The following BICC1 variants were observed in gnomAD, a reference collection of about 807,000 sequenced individuals.
BICC1 encodes BicC family RNA binding protein 1.
Under a neutral mutation model 111.0 loss-of-function variants are expected in BICC1, and 43 were observed. That is an observed-to-expected ratio of 0.39 (90% CI 0.30 to 0.50). BICC1 has a LOEUF of 0.50. Ranked by LOEUF, BICC1 falls within the 20% of genes least tolerant of loss-of-function variation. The pLI is 0.88. For synonymous variants in BICC1, 467 were observed against 434.4 expected, an observed-to-expected ratio of 1.07 and a Z score of -0.93; for missense variants, 1,091 against 1,203.2, an observed-to-expected ratio of 0.91 and a Z score of 1.38.
intron 3 of BICC1, among the ~76,000 whole-genome samples, chr10:58,771,313 A>G (rs1337397026): frequency 6.6e-6 from 1 of 152,232 alleles, no homozygotes; most frequent in Non-Finnish European, 1.5e-5. Context: ...GGAAATAGAT[A>G]TCAGTCACTC....
chr10:58,539,829 G>A (rs1271387607), intron 1 of BICC1, among the ~76,000 whole-genome samples: 1 of 151,876 alleles, frequency 6.6e-6, no homozygotes, highest in African/African-American at 2.4e-5. Flanking sequence ...CAGCAGAATA[G>A]ATAGTCTTTT....
chr10:58,700,984 C>T (rs908680481), intron 2 of BICC1, among the ~76,000 whole-genome samples: 5 of 152,190 alleles, frequency 3.3e-5, no homozygotes, highest in African/African-American at 9.7e-5. Flanking sequence ...CAGTCTGAAA[C>T]ATCTGCTGTA....
At chr10:58,545,297 A>C (rs1034961667) in intron 1 of BICC1, among the ~76,000 whole-genome samples, 7 of 152,168 alleles carry the variant, frequency 4.6e-5, no homozygotes, top group Admixed American at 2.6e-4. Flanking sequence ...AAAATAAAGA[A>C]AAAAGGAAAA....
intron 3 of BICC1, among the ~76,000 whole-genome samples, chr10:58,761,679 A>C (rs1842320361): frequency 6.6e-6 from 1 of 152,168 alleles, no homozygotes; most frequent in East Asian, 1.9e-4. Flanking sequence ...AAGTGTGAGG[A>C]AAAAATAAAA....
intron 1 of BICC1, among the ~76,000 whole-genome samples, chr10:58,538,666 A>T (rs1377504927): frequency 6.6e-6 from 1 of 151,968 alleles, no homozygotes; most frequent in Non-Finnish European, 1.5e-5. Context: ...TAAATAGACA[A>T]CCTACAGAAT....
chr10:58,633,376 C>T (rs1270363129), intron 2 of BICC1, among the ~76,000 whole-genome samples: 1 of 152,182 alleles, frequency 6.6e-6, no homozygotes, highest in Non-Finnish European at 1.5e-5. Context: ...AAATGATAGC[C>T]AGGGTGACCA....
chr10:58,797,945 G>A (rs758646286), intron 10 of BICC1, among the ~76,000 whole-genome samples: 9 of 152,076 alleles, frequency 5.9e-5, no homozygotes, highest in South Asian at 4.1e-4. Context: ...TATCTGCAGC[G>A]GGGACAAATA....
At chr10:58,711,301 T>C (rs923573710) in intron 3 of BICC1, among the ~76,000 whole-genome samples, 2 of 152,198 alleles carry the variant, frequency 1.3e-5, no homozygotes, top group African/African-American at 4.8e-5. Context: ...ATGGTCTAAA[T>C]AGGACCACTC....
At chr10:58,608,840 T>C (rs1357605820) in intron 1 of BICC1, among the ~76,000 whole-genome samples, 1 of 152,224 alleles carries the variant, frequency 6.6e-6, no homozygotes, top group African/African-American at 2.4e-5. Context: ...GCTAAATAAA[T>C]TTGTATAAAT....
chr10:58,656,812 A>G (rs1838669512), intron 2 of BICC1, among the ~76,000 whole-genome samples: 1 of 152,196 alleles, frequency 6.6e-6, no homozygotes, highest in Non-Finnish European at 1.5e-5. Flanking sequence ...GCCAGCTGAA[A>G]GAATTTAAAT....
chr10:58,789,828 AG>A lies in BICC1; in HGVS notation c.944del (p.Gly315ValfsTer42). 1 of 1,614,190 alleles carries A rather than the reference AG, an allele frequency of 6.2e-7. No homozygotes were observed. Among genetic ancestry groups the A allele is most frequent in the South Asian group, 1.1e-5 (1 of 91,082 alleles). Reference protein sequence around the residue: ...SNIKHIMQRTGAQIHFPDPSN... With the variant: ...SNIKHIMQRTXAQIHFPDPSN... ...ACATCAAACATATCATGCAGAGAAC[AG>A]GTGCTCAGATCCACTTTCCTGATCC... On this transcript the variant is annotated frameshift_variant, in exon 8 of 21. Transcript: ENST00000373886. LOFTEE classifies it high-confidence loss of function.
intron 3 of BICC1, among the ~76,000 whole-genome samples, chr10:58,782,055 A>T (rs929919143): frequency 5.3e-5 from 8 of 152,062 alleles, no homozygotes; most frequent in African/African-American, 1.9e-4. Flanking sequence ...GCCCACTGAT[A>T]ATTTATATTT....
chr10:58,725,888 T>A (rs1841088617), intron 3 of BICC1, among the ~76,000 whole-genome samples: 1 of 152,260 alleles, frequency 6.6e-6, no homozygotes, highest in African/African-American at 2.4e-5. Flanking sequence ...CTTATTCTTT[T>A]GGTTAATGTT....
Position 58,651,371 on chromosome 10 carries a change from G to A in BICC1, c.237+30470G>A, listed in dbSNP as rs117650818. Among the ~76,000 whole-genome samples the A allele has an allele frequency of 2.8e-4, 42 of 152,298 alleles. No homozygotes were observed. In the East Asian group the frequency reaches 7.5e-3, roughly 27 times the overall value. On this transcript the variant is annotated intron_variant, in intron 2 of 20. Coordinates refer to ENST00000373886, the MANE Select transcript of BICC1 (RefSeq NM_001080512.3). Reference sequence around the variant, plus strand: ...CTGGACTCTATGAAAAACCGCCGGGGAAACTGCCTGCAGATCTTCATACCA... The same window carrying A: ...CTGGACTCTATGAAAAACCGCCGGGAAAACTGCCTGCAGATCTTCATACCA...
At chr10:58,625,679 T>A (rs1190218949) in intron 2 of BICC1, among the ~76,000 whole-genome samples, 1 of 152,198 alleles carries the variant, frequency 6.6e-6, no homozygotes, top group African/African-American at 2.4e-5. Context: ...AACTCATTGT[T>A]TTTAGACAAA....
rs567097753 is a variant in BICC1, at chr10:58,633,308, T to G, written c.237+12407T>G. On this transcript the variant is annotated intron_variant, in intron 2 of 20. Transcript: ENST00000373886. ...AATTACCCGGTCTTGGGTATGTGTT[T>G]ATTAGCAGCATGAGAACAAACTAAT... 2.6e-5 allele frequency among the ~76,000 whole-genome samples: 4 copies of G among 152,332 alleles called. No individual in the cohort carries two copies. The East Asian group carries it at 7.7e-4, about 29-fold the overall frequency.
chr10:58,630,320 G>A (rs1274032673), intron 2 of BICC1, among the ~76,000 whole-genome samples: 3 of 152,162 alleles, frequency 2.0e-5, no homozygotes, highest in African/African-American at 7.2e-5. Context: ...CATCCACGGA[G>A]GGAAGCATGA....
intron 1 of BICC1, among the ~76,000 whole-genome samples, chr10:58,517,295 G>A (rs7097576): frequency 0.57 from 85,939 of 151,994 alleles, 26,085 homozygotes; most frequent in African/African-American, 0.8. Context: ...CATTTTTGCA[G>A]TGATAGGCAG....
intron 3 of BICC1, among the ~76,000 whole-genome samples, chr10:58,751,776 A>C (rs531111025): frequency 6.6e-6 from 1 of 152,278 alleles, no homozygotes; most frequent in African/African-American, 2.4e-5. Context: ...CTTTAATTTA[A>C]CTTCTTTGTA....
Sources: allele counts gnomAD v4.1 joint callset (sites outside exome capture counted in the v4.1 genomes callset), GRCh38; gene constraint gnomAD v4.1.1; transcripts MANE v1.5; gene names NCBI Gene and HGNC (gene_info 2026-07-23, HGNC 2026-07-21).